Variants in KLHL2 observed in about 807,000 individuals in gnomAD.
KLHL2 encodes kelch like family member 2, also known as kelch-like protein 2.
Under a neutral mutation model 75.8 loss-of-function variants are expected in KLHL2, and 15 were observed. The observed-to-expected ratio is 0.20, with a 90% CI of 0.13 to 0.30. The LOEUF (loss-of-function observed/expected upper bound fraction) is 0.30. Ranked by LOEUF, KLHL2 falls within the 10% of genes least tolerant of loss-of-function variation. KLHL2 has a pLI of 1.00. For missense variants in KLHL2, 381 were observed against 741.0 expected (o/e 0.51, Z 5.64); for synonymous variants, 214 against 251.9 (o/e 0.85, Z 1.42).
chr4:165,276,012 C>T (rs561165257), intron 5 of KLHL2, among the ~76,000 whole-genome samples: 5 of 152,038 alleles, frequency 3.3e-5, no homozygotes, highest in Non-Finnish European at 7.4e-5. Flanking sequence ...CTTGTAGTCC[C>T]AGCTATTTGG....
chr4:165,207,945 C>T lies in KLHL2; in HGVS notation c.26+43C>T, dbSNP rs552157985. ...CGGGCTGCGCCGCTGCGGATAAGCG[C>T]GCCGCTGCGGCGCGTGTCGCCGGCC... On this transcript the variant is annotated intron_variant, in intron 1 of 14. Coordinates refer to ENST00000226725, the MANE Select transcript of KLHL2 (RefSeq NM_007246.4). This position sits in a 1 kb window ranked among gnomAD's most constrained non-coding sequence, Gnocchi z 4.2. The T allele has an allele frequency of 3.2e-5, 43 of 1,328,346 alleles. No homozygotes were observed. Among genetic ancestry groups the T allele is most frequent in the Middle Eastern group, 2.9e-4 (1 of 3,502 alleles). 82.3% of individuals were successfully genotyped at this position (1,328,346 alleles called of 1,614,324 possible).
At chr4:165,217,793 C>T (rs577846546) in intron 1 of KLHL2, among the ~76,000 whole-genome samples, 1 of 152,296 alleles carries the variant, frequency 6.6e-6, no homozygotes, top group African/African-American at 2.4e-5. Context: ...ACTTTTCTCT[C>T]CAGCTCTAGA....
intron 11 of KLHL2, 86 bp from the exon 12 acceptor site, chr4:165,313,152 A>G (rs1746337258): frequency 7.4e-7 from 1 of 1,356,014 alleles, no homozygotes; most frequent in African/African-American, 1.5e-5. Flanking sequence ...AGGAAAATAT[A>G]TTAATATTTT....
chr4:165,276,101 C>G (rs1263808770), intron 5 of KLHL2, among the ~76,000 whole-genome samples: 1 of 152,154 alleles, frequency 6.6e-6, no homozygotes, highest in African/African-American at 2.4e-5. Flanking sequence ...GCACTGTAGC[C>G]TGGGCAACAG....
At chr4:165,303,498 C>CCCCCG (rs1745497081) in intron 8 of KLHL2, among the ~76,000 whole-genome samples, 1 of 144,820 alleles carries the variant, frequency 6.9e-6, no homozygotes, top group African/African-American at 2.5e-5. Flanking sequence ...AACCTTGCCC[C>CCCCCG]CCCCGCCGTT....
chr4:165,308,936 A>AT (rs1745940606), intron 9 of KLHL2, among the ~76,000 whole-genome samples: 1 of 152,166 alleles, frequency 6.6e-6, no homozygotes, highest in Non-Finnish European at 1.5e-5. Context: ...GGAGGACTGC[A>AT]TTTCCGTGTA....
At chr4:165,298,886 T>C (rs56235876) in intron 7 of KLHL2, among the ~76,000 whole-genome samples, 50,529 of 149,878 alleles carry the variant, frequency 0.34, 9,170 homozygotes, top group African/African-American at 0.42. Context: ...GCCAGGATTG[T>C]ACCACTGAAC....
chr4:165,228,928 A>G lies in KLHL2; in HGVS notation c.259+15A>G. On this transcript the variant is annotated intron_variant, in intron 3 of 14. Coordinates refer to ENST00000226725, the MANE Select transcript of KLHL2 (RefSeq NM_007246.4). The stretch of plus-strand genomic sequence containing the variant: ...CATGTTTACAGGTATGAAATATTTT[A>G]GTTATAGGCATTTTAAAAAATGTAT... 4.0e-6 allele frequency: 6 copies of G among 1,517,052 alleles called. No individual in the cohort carries two copies. The highest frequency in any genetic ancestry group is 5.5e-6 in the Non-Finnish European group (6 of 1,098,004). The allele number at this position is 1,517,052 out of a possible 1,614,324, so 94.0% of individuals were successfully genotyped here.
intron 2 of KLHL2, among the ~76,000 whole-genome samples, chr4:165,227,484 T>C (rs1738528790): frequency 6.6e-6 from 1 of 152,202 alleles, no homozygotes; most frequent in Non-Finnish European, 1.5e-5. Flanking sequence ...TGTAAGCTAC[T>C]AGAAAATTAC....
intron 5 of KLHL2, chr4:165,279,488 A>G (rs751775890): frequency 2.6e-5 from 41 of 1,582,008 alleles, no homozygotes; most frequent in Non-Finnish European, 3.6e-5. Flanking sequence ...GTCCTGTTCC[A>G]CCCATCCTTC....
At chr4:165,264,279 G>A (rs1025457126) in intron 5 of KLHL2, among the ~76,000 whole-genome samples, 4 of 150,940 alleles carry the variant, frequency 2.7e-5, no homozygotes, top group Admixed American at 6.6e-5. Flanking sequence ...TGAATGACTT[G>A]TATAGTCACG....
At chr4:165,275,982 G>T (rs1322688418) in intron 5 of KLHL2, among the ~76,000 whole-genome samples, 1 of 149,586 alleles carries the variant, frequency 6.7e-6, no homozygotes, top group Non-Finnish European at 1.5e-5. Flanking sequence ...AAAAAAAAGA[G>T]CCAGGCATGG....
intron 1 of KLHL2, among the ~76,000 whole-genome samples, chr4:165,216,036 A>G (rs1428798760): frequency 2.0e-5 from 3 of 152,174 alleles, no homozygotes; most frequent in Non-Finnish European, 1.5e-5. Flanking sequence ...TTCAAAGCCA[A>G]TAATAAATAT....
rs192198387 is a variant in KLHL2 at position 165,213,378 on chromosome 4, C to A, written c.26+5476C>A. On this transcript the variant is annotated intron_variant, in intron 1 of 14. Transcript: ENST00000226725. ...ACAGCCTTTCATCATTTTATCTTAT[C>A]CTATATATCCAAGATCATCATGTGC... 8.8e-3 allele frequency among the ~76,000 whole-genome samples: 1,335 copies of A among 152,288 alleles called. 10 individuals are homozygous for A. Among genetic ancestry groups the A allele is most frequent in the Non-Finnish European group, 0.014 (963 of 68,012 alleles).
intron 2 of KLHL2, among the ~76,000 whole-genome samples, chr4:165,220,906 G>A (rs1249346186): frequency 6.6e-6 from 1 of 152,046 alleles, no homozygotes; most frequent in East Asian, 1.9e-4. Flanking sequence ...GGTAATATAT[G>A]TATTAAGAGT....
intron 13 of KLHL2, among the ~76,000 whole-genome samples, chr4:165,315,810 C>T (rs572144571): frequency 1.3e-5 from 2 of 151,994 alleles, no homozygotes; most frequent in Non-Finnish European, 2.9e-5. Flanking sequence ...GACATGTATT[C>T]AATGTTAAGC....
At chr4:165,289,509 GT>G (rs1194080743) in intron 5 of KLHL2, among the ~76,000 whole-genome samples, 1,944 of 112,916 alleles carry the variant, frequency 0.017, 4 homozygotes, top group Non-Finnish European at 0.025. Flanking sequence ...TTTTGGTTTG[GT>G]TTTTTTTTTT....
At chr4:165,250,204 T>A (rs1010759646) in intron 4 of KLHL2, among the ~76,000 whole-genome samples, 1 of 152,212 alleles carries the variant, frequency 6.6e-6, no homozygotes, top group African/African-American at 2.4e-5. Context: ...ACAGTCATAT[T>A]CCAGATCTGC....
intron 4 of KLHL2, among the ~76,000 whole-genome samples, chr4:165,241,320 T>G (rs1739801002): frequency 6.6e-6 from 1 of 152,234 alleles, no homozygotes; most frequent in South Asian, 2.1e-4. Context: ...TACACCAGAC[T>G]CCTATTTCCT....
Sources: gnomAD v4.1 joint callset for allele counts (sites outside exome capture counted in the v4.1 genomes callset) on GRCh38, gnomAD v4.1.1 for gene constraint, Gnocchi (gnomAD v3.1) non-coding constraint, MANE v1.5 for transcripts, NCBI Gene and HGNC (gene_info 2026-07-23, HGNC 2026-07-21) for gene names.